The following NALF1 variants were observed in gnomAD, a reference collection of about 807,000 sequenced individuals.
NALF1 encodes the protein family with sequence similarity 155 member A.
Under a neutral mutation model 48.4 loss-of-function variants are expected in NALF1, and 3 were observed. The ratio of observed to expected loss-of-function variants is 0.06; its 90% CI spans 0.03 to 0.16. The LOEUF (loss-of-function observed/expected upper bound fraction) is 0.16. Among genes scored for constraint, NALF1 ranks in the 10% least tolerant of loss-of-function variants. The pLI, the probability that NALF1 is intolerant of heterozygous loss-of-function variation, is 1.00. For missense variants in NALF1, 526 were observed against 571.5 expected (o/e 0.92, Z 0.81); for synonymous variants, 262 against 245.7 (o/e 1.07, Z -0.62).
At chr13:107,236,000 T>A (rs1266515795) in intron 1 of NALF1, among the ~76,000 whole-genome samples, 1 of 152,208 alleles carries the variant, frequency 6.6e-6, no homozygotes, top group Non-Finnish European at 1.5e-5. Context: ...GAGGAAAGAA[T>A]ACTCCAAAAG....
intron 1 of NALF1, among the ~76,000 whole-genome samples, chr13:107,318,290 G>A (rs1199418342): frequency 3.9e-5 from 6 of 151,930 alleles, no homozygotes; most frequent in Non-Finnish European, 5.9e-5. Context: ...GCACAATTCC[G>A]GCTTTAAATA....
At position 107,785,526 on chromosome 13, in the gene NALF1, A is replaced by G. The variant is rs535962750; in HGVS notation, c.915+80156T>C. ...GATGCAAAGGCATAAGAATGATACA[A>G]TGGACTTTGGGGACTTGCGGGGAAG... On this transcript the variant is annotated intron_variant, in intron 1 of 2. Transcript: ENST00000375915. Among the ~76,000 whole-genome samples the G allele has an allele frequency of 1.2e-4, 18 of 152,312 alleles. 1 individual carries two copies. The highest frequency in any genetic ancestry group is 2.1e-4 in the Non-Finnish European group (14 of 68,024).
At chr13:107,745,242 A>G (rs1358503522) in intron 1 of NALF1, among the ~76,000 whole-genome samples, 1 of 152,214 alleles carries the variant, frequency 6.6e-6, no homozygotes, top group Non-Finnish European at 1.5e-5. Context: ...GTGACACAGA[A>G]GAAGAATGAA....
chr13:107,821,379 T>C (rs1456056381), intron 1 of NALF1, among the ~76,000 whole-genome samples: 2 of 152,176 alleles, frequency 1.3e-5, no homozygotes, highest in Non-Finnish European at 2.9e-5. Context: ...GTCATGCTAC[T>C]GTAATGTCAT....
intron 1 of NALF1, among the ~76,000 whole-genome samples, chr13:107,850,989 G>C (rs2138641901): frequency 6.6e-6 from 1 of 152,276 alleles, no homozygotes; most frequent in South Asian, 2.1e-4. Flanking sequence ...TAGGTGATTT[G>C]TCGGAGGTTA....
chr13:107,188,808 C>T (rs772804255), intron 2 of NALF1, among the ~76,000 whole-genome samples: 6 of 152,118 alleles, frequency 3.9e-5, no homozygotes, highest in Non-Finnish European at 7.4e-5. Context: ...ATAATGAATG[C>T]GCTAATTCAC....
chr13:107,586,906 T>C (rs1878476040), intron 1 of NALF1, among the ~76,000 whole-genome samples: 1 of 151,976 alleles, frequency 6.6e-6, no homozygotes, highest in South Asian at 2.1e-4. Context: ...TAGAAATAGA[T>C]TTACCATGAT....
Position 107,648,093 on chromosome 13 carries a change from A to G in NALF1, c.915+217589T>C, listed in dbSNP as rs112899759. Reference sequence around the variant, plus strand: ...TACAGAAAAATTGGGCAGAGTATACAGACAGTCCCATATGTCACCCCCCAT... The same window carrying G: ...TACAGAAAAATTGGGCAGAGTATACGGACAGTCCCATATGTCACCCCCCAT... On this transcript the variant is annotated intron_variant, in intron 1 of 2. Transcript: ENST00000375915. Among the ~76,000 whole-genome samples the G allele has an allele frequency of 1.5e-3, 235 of 152,296 alleles. 2 individuals carry two copies. Among genetic ancestry groups the G allele is most frequent in the African/African-American group, 5.2e-3 (216 of 41,558 alleles).
chr13:107,371,487 G>C (rs907243970), intron 1 of NALF1, among the ~76,000 whole-genome samples: 18 of 149,796 alleles, frequency 1.2e-4, no homozygotes, highest in Admixed American at 7.4e-4. Flanking sequence ...ATAGTTTCAA[G>C]ATATCATCAC....
chr13:107,454,178 C>A (rs552027691), intron 1 of NALF1, among the ~76,000 whole-genome samples: 4 of 152,230 alleles, frequency 2.6e-5, no homozygotes, highest in African/African-American at 9.6e-5. Flanking sequence ...TTCCCAGTTC[C>A]AAAGTCACTT....
intron 2 of NALF1, among the ~76,000 whole-genome samples, chr13:107,183,014 G>A (rs565476064): frequency 6.6e-6 from 1 of 152,308 alleles, no homozygotes; most frequent in South Asian, 2.1e-4. Context: ...TTAAGGTATT[G>A]TATGGCCATG....
intron 1 of NALF1, among the ~76,000 whole-genome samples, chr13:107,845,869 C>G (rs980480418): frequency 1.3e-5 from 2 of 152,108 alleles, no homozygotes; most frequent in Non-Finnish European, 1.5e-5. Flanking sequence ...ATTTGTAACT[C>G]TTTCCTGAGA....
chr13:107,545,802 T>G (rs1877121480), intron 1 of NALF1, among the ~76,000 whole-genome samples: 1 of 151,956 alleles, frequency 6.6e-6, no homozygotes, highest in Non-Finnish European at 1.5e-5. Context: ...AGCCATTGGG[T>G]GGATTCTATG....
At chr13:107,582,981 C>G (rs1254278412) in intron 1 of NALF1, among the ~76,000 whole-genome samples, 3 of 152,150 alleles carry the variant, frequency 2.0e-5, no homozygotes, top group Non-Finnish European at 4.4e-5. Flanking sequence ...TTTCCCCCCT[C>G]TCTGGAAGCT....
At chr13:107,538,140 A>G (rs943104582) in intron 1 of NALF1, among the ~76,000 whole-genome samples, 3 of 152,178 alleles carry the variant, frequency 2.0e-5, no homozygotes, top group African/African-American at 7.2e-5. Flanking sequence ...ATAAAATATG[A>G]TTGAAGACCA....
intron 1 of NALF1, among the ~76,000 whole-genome samples, chr13:107,247,686 TTTAA>T (rs1880611422): frequency 6.6e-6 from 1 of 152,164 alleles, no homozygotes; most frequent in Non-Finnish European, 1.5e-5. Context: ...TGAAAGGAAA[TTTAA>T]TTAATTCAAT....
chr13:107,448,106 C>T (rs1004082052), intron 1 of NALF1, among the ~76,000 whole-genome samples: 1 of 152,118 alleles, frequency 6.6e-6, no homozygotes. Context: ...TTAGCCCGAG[C>T]CCCTGCCTCT....
intron 1 of NALF1, among the ~76,000 whole-genome samples, chr13:107,384,280 AAAAC>A (rs1405275736): frequency 5.9e-5 from 9 of 151,898 alleles, no homozygotes; most frequent in Non-Finnish European, 8.8e-5. Flanking sequence ...AAACAAAACA[AAAAC>A]AAACAAAAAA....
At chr13:107,638,327 T>G (rs2138455793) in intron 1 of NALF1, among the ~76,000 whole-genome samples, 1 of 151,964 alleles carries the variant, frequency 6.6e-6, no homozygotes, top group Non-Finnish European at 1.5e-5. Flanking sequence ...TAGCAAAACA[T>G]ATTACTAGAC....
Sources: allele counts gnomAD v4.1 joint callset (sites outside exome capture counted in the v4.1 genomes callset), GRCh38; gene constraint gnomAD v4.1.1; transcripts MANE v1.5; gene names NCBI Gene and HGNC (gene_info 2026-07-23, HGNC 2026-07-21).